The following DDAH1 variants were observed in gnomAD, a reference collection of about 807,000 sequenced individuals.
DDAH1 encodes the protein dimethylarginine dimethylaminohydrolase 1.
A neutral mutation model predicts 28.8 loss-of-function variants in DDAH1; 19 were observed. The ratio of observed to expected loss-of-function variants is 0.66; its 90% confidence interval spans 0.46 to 0.97. The LOEUF (loss-of-function observed/expected upper bound fraction) is 0.97, where lower values mean the gene tolerates loss of function less well. Ranked by LOEUF, DDAH1 falls within the 50% of genes least tolerant of loss-of-function variation. The pLI is 0.00. For missense variants in DDAH1, 326 were observed against 375.9 expected (o/e 0.87, Z 1.10); for synonymous variants, 153 against 154.4 (o/e 0.99, Z 0.07).
intron 1 of DDAH1, among the ~76,000 whole-genome samples, chr1:85,417,924 A>G (rs927426796): frequency 1.1e-4 from 16 of 152,242 alleles, no homozygotes; most frequent in African/African-American, 3.6e-4. Context: ...TATAATTATT[A>G]CATATATTTA....
intron 1 of DDAH1, among the ~76,000 whole-genome samples, chr1:85,509,269 A>G (rs2100748646): frequency 6.6e-6 from 1 of 152,348 alleles, no homozygotes; most frequent in Non-Finnish European, 1.5e-5. Context: ...CTTAGAAGGG[A>G]AACTAACAAA....
At chr1:85,359,664 T>G (rs1649681905) in intron 1 of DDAH1, among the ~76,000 whole-genome samples, 1 of 152,218 alleles carries the variant, frequency 6.6e-6, no homozygotes, top group South Asian at 2.1e-4. Context: ...ATGTAAACTG[T>G]GTTAGTTATA....
intron 1 of DDAH1, among the ~76,000 whole-genome samples, chr1:85,413,295 T>C (rs1652744689): frequency 6.6e-6 from 1 of 152,216 alleles, no homozygotes; most frequent in Non-Finnish European, 1.5e-5. Context: ...CACGTATTTT[T>C]TGCAGCTGCT....
At chr1:85,541,334 G>A (rs1523990) in intron 1 of DDAH1, among the ~76,000 whole-genome samples, 149,994 of 152,360 alleles carry the variant, frequency 0.98, 73,876 homozygotes, top group Middle Eastern at 1. Flanking sequence ...AACAAATGGA[G>A]GAAATGTCCT....
chr1:85,372,946 T>C (rs1000177695), intron 1 of DDAH1, among the ~76,000 whole-genome samples: 2 of 151,022 alleles, frequency 1.3e-5, no homozygotes, highest in East Asian at 3.9e-4. Flanking sequence ...AAGCCTACAG[T>C]TGAACAAAGC....
intron 1 of DDAH1, 72 bp from the exon 2 acceptor site, chr1:85,358,919 A>C: frequency 8.7e-7 from 1 of 1,145,836 alleles, no homozygotes; most frequent in Non-Finnish European, 1.3e-6. Context: ...CAAAACATCT[A>C]AACACTAAAT....
chr1:85,426,241 T>C (rs1465464712), intron 1 of DDAH1, among the ~76,000 whole-genome samples: 1 of 152,126 alleles, frequency 6.6e-6, no homozygotes, highest in African/African-American at 2.4e-5. Flanking sequence ...TATAAAATAA[T>C]AGTGTTAATG....
intron 1 of DDAH1, among the ~76,000 whole-genome samples, chr1:85,552,867 G>A (rs975248010): frequency 6.6e-6 from 1 of 152,026 alleles, no homozygotes; most frequent in Non-Finnish European, 1.5e-5. Flanking sequence ...TCTTCTATAG[G>A]TAGCCTCGCA....
chr1:85,426,508 C>T (rs974378810), intron 1 of DDAH1, among the ~76,000 whole-genome samples: 2 of 152,172 alleles, frequency 1.3e-5, no homozygotes, highest in Non-Finnish European at 2.9e-5. Flanking sequence ...TTCTGAAATA[C>T]TTGAGACCCA....
chr1:85,549,873 G>A (rs933601788), intron 1 of DDAH1, among the ~76,000 whole-genome samples: 1 of 152,130 alleles, frequency 6.6e-6, no homozygotes, highest in African/African-American at 2.4e-5. Flanking sequence ...GTAAATATAA[G>A]TGGACAAGTT....
intron 1 of DDAH1, among the ~76,000 whole-genome samples, chr1:85,389,357 G>GT (rs1214140030): frequency 1.3e-5 from 2 of 152,180 alleles, no homozygotes; most frequent in Non-Finnish European, 2.9e-5. Context: ...GACCTACTCA[G>GT]TAAATGTTCA....
intron 1 of DDAH1, among the ~76,000 whole-genome samples, chr1:85,461,590 G>A (rs1007185606): frequency 6.6e-6 from 1 of 152,140 alleles, no homozygotes; most frequent in Non-Finnish European, 1.5e-5. Flanking sequence ...TTACTGATTG[G>A]GAATGCTTGT....
At chr1:85,523,699 A>T (rs2100765383) in intron 1 of DDAH1, among the ~76,000 whole-genome samples, 1 of 152,310 alleles carries the variant, frequency 6.6e-6, no homozygotes, top group Admixed American at 6.5e-5. Context: ...GCCTGGCATA[A>T]AGCAAATGCC....
chr1:85,434,976 A>C (rs1236008751), intron 1 of DDAH1, among the ~76,000 whole-genome samples: 1 of 152,132 alleles, frequency 6.6e-6, no homozygotes, highest in Non-Finnish European at 1.5e-5. Flanking sequence ...CCCAGATTAC[A>C]TACCCTTTTA....
At chr1:85,571,291 T>A (rs1022546330) in intron 1 of DDAH1, among the ~76,000 whole-genome samples, 3 of 152,244 alleles carry the variant, frequency 2.0e-5, no homozygotes, top group Non-Finnish European at 4.4e-5. Flanking sequence ...GTTCTCACTT[T>A]TAGATGTTTT....
intron 1 of DDAH1, among the ~76,000 whole-genome samples, chr1:85,548,376 T>C (rs1296402272): frequency 3.3e-5 from 5 of 152,224 alleles, no homozygotes; most frequent in African/African-American, 1.2e-4. Flanking sequence ...GTATAAATAA[T>C]GGAGCTGGCA....
chr1:85,543,678 C>T (rs1433910710), intron 1 of DDAH1, among the ~76,000 whole-genome samples: 2 of 152,124 alleles, frequency 1.3e-5, no homozygotes, highest in Non-Finnish European at 2.9e-5. Flanking sequence ...CATCTTTGTA[C>T]TAGAATACTT....
At chr1:85,370,034 T>C (rs1244339561) in intron 1 of DDAH1, among the ~76,000 whole-genome samples, 1 of 152,228 alleles carries the variant, frequency 6.6e-6, no homozygotes, top group Non-Finnish European at 1.5e-5. Flanking sequence ...TTATGGGCTA[T>C]GTGTCTCCTC....
intron 2 of DDAH1, among the ~76,000 whole-genome samples, chr1:85,355,781 T>C (rs550218901): frequency 6.6e-6 from 1 of 152,142 alleles, no homozygotes; most frequent in South Asian, 2.1e-4. Context: ...ATACATACAT[T>C]ATGGTGTATT....
Sources: allele counts gnomAD v4.1 joint callset (sites outside exome capture counted in the v4.1 genomes callset), GRCh38; gene constraint gnomAD v4.1.1; transcripts MANE v1.5; gene names NCBI Gene and HGNC (gene_info 2026-07-23, HGNC 2026-07-21).